The following CTXND2 variants were observed in gnomAD, a reference collection of about 807,000 sequenced individuals.
The protein encoded by CTXND2 is cortexin domain containing 2.
chr1:150,907,340 C>A (rs1173955595), intron 1 of CTXND2, among the ~76,000 whole-genome samples: 2 of 152,164 alleles, frequency 1.3e-5, no homozygotes, highest in African/African-American at 4.8e-5. Context: ...CCTCATCCCC[C>A]ACCTCCAGCT....
chr1:150,909,549 C>G (rs150680274), intron 1 of CTXND2, among the ~76,000 whole-genome samples: 1 of 151,978 alleles, frequency 6.6e-6, no homozygotes. Flanking sequence ...AAAGTGAGAC[C>G]CTGTCTCAAA....
intron 1 of CTXND2, among the ~76,000 whole-genome samples, chr1:150,897,151 A>C (rs2102596334): frequency 6.6e-6 from 1 of 152,318 alleles, no homozygotes; most frequent in East Asian, 1.9e-4. Flanking sequence ...GGGAAGCTGA[A>C]AACAGATTTT....
rs1287653409 is a variant in CTXND2 at position 150,901,952 on chromosome 1, AAAT to A, written c.-73-10285_-73-10283del. Among the ~76,000 whole-genome samples the A allele has an allele frequency of 2.0e-5, 3 of 150,908 alleles. No individual in the cohort carries two copies. In the South Asian group the frequency reaches 6.3e-4, roughly 32 times the overall value. On this transcript the variant is annotated intron_variant, in intron 1 of 1. Transcript: ENST00000636087. ...AAAAAAAAAAATAAATTCAATGGGGAAATAATAGTCTTTTTAATAAATAATGCT... is the reference window on the plus strand; with the variant it reads ...AAAAAAAAAAATAAATTCAATGGGGAAATAGTCTTTTTAATAAATAATGCT...
At chr1:150,909,665 TA>T (rs1040380100) in intron 1 of CTXND2, among the ~76,000 whole-genome samples, 1 of 152,208 alleles carries the variant, frequency 6.6e-6, no homozygotes, top group Non-Finnish European at 1.5e-5. Context: ...TGATCCATTT[TA>T]AGTTTATCTT....
At chr1:150,900,133 G>C (rs1256387158) in intron 1 of CTXND2, among the ~76,000 whole-genome samples, 2 of 152,056 alleles carry the variant, frequency 1.3e-5, no homozygotes, top group Non-Finnish European at 2.9e-5. Flanking sequence ...GTATTCTTTT[G>C]CTCTTCTCAA....
chr1:150,912,181 G>A (rs1420410010), intron 1 of CTXND2, 61 bp from the exon 2 acceptor site: 1 of 396,626 alleles, frequency 2.5e-6, no homozygotes, highest in Non-Finnish European at 4.4e-6. Context: ...TTTTCACAGT[G>A]TTATTAAGAA....
chr1:150,911,474 T>G (rs587725606), intron 1 of CTXND2, among the ~76,000 whole-genome samples: 1 of 151,928 alleles, frequency 6.6e-6, no homozygotes, highest in East Asian at 1.9e-4. Context: ...CTCGCTCTGT[T>G]GCGCAGGCTG....
intron 1 of CTXND2, among the ~76,000 whole-genome samples, chr1:150,910,681 G>A (rs183431804): frequency 3.4e-5 from 5 of 148,284 alleles, no homozygotes; most frequent in Admixed American, 6.8e-5. Context: ...GCCCAGGCTC[G>A]AGTGCAGTAG....
intron 1 of CTXND2, among the ~76,000 whole-genome samples, chr1:150,895,955 C>T (rs924982278): frequency 6.6e-6 from 1 of 152,188 alleles, no homozygotes; most frequent in East Asian, 1.9e-4. Context: ...CCTGTGCTCT[C>T]CCTGGCTATG....
intron 1 of CTXND2, among the ~76,000 whole-genome samples, chr1:150,891,446 C>T (rs975033551): frequency 6.6e-6 from 1 of 152,188 alleles, no homozygotes; most frequent in Non-Finnish European, 1.5e-5. Flanking sequence ...ATCTCCTGAC[C>T]TCGTGATCTG....
At chr1:150,888,933 G>A (rs918558609) in intron 1 of CTXND2, among the ~76,000 whole-genome samples, 1 of 151,716 alleles carries the variant, frequency 6.6e-6, no homozygotes, top group Non-Finnish European at 1.5e-5. Context: ...CGAATTCCTG[G>A]GCTCAAGCAA....
chr1:150,910,916 T>G, intron 1 of CTXND2, among the ~76,000 whole-genome samples: 1 of 152,080 alleles, frequency 6.6e-6, no homozygotes, highest in Non-Finnish European at 1.5e-5. Flanking sequence ...ACCATTCTCC[T>G]GCCTCAGCCT....
At chr1:150,900,093 G>C (rs759058849) in intron 1 of CTXND2, among the ~76,000 whole-genome samples, 1 of 152,118 alleles carries the variant, frequency 6.6e-6, no homozygotes, top group Non-Finnish European at 1.5e-5. Context: ...GCAGCAACCC[G>C]TTCGGGTCCC....
intron 1 of CTXND2, among the ~76,000 whole-genome samples, chr1:150,902,159 TG>T (rs778398198): frequency 1.3e-5 from 2 of 151,988 alleles, no homozygotes; most frequent in Admixed American, 6.6e-5. Flanking sequence ...CCCAGCACTT[TG>T]GGGGGCAGAG....
At chr1:150,891,083 A>G (rs1012818956) in intron 1 of CTXND2, among the ~76,000 whole-genome samples, 5 of 152,192 alleles carry the variant, frequency 3.3e-5, no homozygotes, top group African/African-American at 1.2e-4. Flanking sequence ...GAGTTTCCAC[A>G]TTGACAAACA....
At chr1:150,891,358 C>T (rs1434449755) in intron 1 of CTXND2, among the ~76,000 whole-genome samples, 1 of 152,098 alleles carries the variant, frequency 6.6e-6, no homozygotes, top group Non-Finnish European at 1.5e-5. Flanking sequence ...GGACTACAGG[C>T]ACCCGCCACC....
chr1:150,898,754 C>CA (rs34434799), intron 1 of CTXND2, among the ~76,000 whole-genome samples: 18,364 of 80,850 alleles, frequency 0.23, 1,543 homozygotes, highest in African/African-American at 0.26. Context: ...GATTCTGACT[C>CA]AAAAAAAAAA....
intron 1 of CTXND2, among the ~76,000 whole-genome samples, chr1:150,905,868 T>C (rs1400220892): frequency 2.0e-5 from 3 of 152,004 alleles, no homozygotes; most frequent in Non-Finnish European, 2.9e-5. Context: ...CAGGCACCTG[T>C]AGTCCCAGCT....
At chr1:150,907,819 C>A (rs973666845) in intron 1 of CTXND2, among the ~76,000 whole-genome samples, 1 of 150,736 alleles carries the variant, frequency 6.6e-6, no homozygotes, top group African/African-American at 2.4e-5. Flanking sequence ...ACGCCATTCT[C>A]CTGCCTCAGC....
Sources: allele counts gnomAD v4.1 joint callset (sites outside exome capture counted in the v4.1 genomes callset), GRCh38; gene constraint gnomAD v4.1.1; transcripts MANE v1.5; gene names NCBI Gene and HGNC (gene_info 2026-07-23, HGNC 2026-07-21).